PDE4D: variants seen among roughly 807,000 people sequenced by gnomAD.
The protein encoded by PDE4D is phosphodiesterase 4D.
In PDE4D, 24 loss-of-function variants were observed where a neutral mutation model predicts 87.4. The observed-to-expected ratio is 0.27, with a 90% CI of 0.20 to 0.39. PDE4D has a LOEUF of 0.39. PDE4D is among the 10% of genes least tolerant of loss of function. PDE4D has a pLI of 1.00. For synonymous variants in PDE4D, 384 were observed against 383.2 expected (o/e 1.00, Z -0.02); for missense variants, 714 against 1,041.0 (o/e 0.69, Z 4.32).
chr5:60,136,910 A>C (rs1780099332), intron 2 of PDE4D, among the ~76,000 whole-genome samples: 1 of 152,108 alleles, frequency 6.6e-6, no homozygotes, highest in Non-Finnish European at 1.5e-5. Flanking sequence ...CCCATTACCC[A>C]GGTATTAAGC....
At chr5:59,878,461 TTTTA>T (rs200658187) in intron 1 of PDE4D, among the ~76,000 whole-genome samples, 3,181 of 152,260 alleles carry the variant, frequency 0.021, 56 homozygotes, top group Middle Eastern at 0.041. Flanking sequence ...ACTTATGGAT[TTTTA>T]TTTATTTACT....
chr5:59,846,977 C>T (rs1031749346), intron 1 of PDE4D, among the ~76,000 whole-genome samples: 3 of 151,926 alleles, frequency 2.0e-5, no homozygotes, highest in Non-Finnish European at 4.4e-5. Context: ...TCAACCTCTG[C>T]CTTAACTCAT....
At chr5:59,483,231 T>C (rs1001775055) in intron 1 of PDE4D, among the ~76,000 whole-genome samples, 3 of 152,166 alleles carry the variant, frequency 2.0e-5, no homozygotes, top group African/African-American at 7.2e-5. Flanking sequence ...TCTTGGAACT[T>C]CTCAGTCTCT....
intron 1 of PDE4D, among the ~76,000 whole-genome samples, chr5:59,415,963 G>C (rs892556795): frequency 6.6e-5 from 10 of 152,162 alleles, no homozygotes; most frequent in Non-Finnish European, 1.0e-4. Context: ...TGCATGAGAT[G>C]AGTGACGTAG....
intron 2 of PDE4D, among the ~76,000 whole-genome samples, chr5:60,047,868 A>T (rs1386090810): frequency 6.6e-6 from 1 of 152,088 alleles, no homozygotes; most frequent in Non-Finnish European, 1.5e-5. Flanking sequence ...AGTTCTGTAG[A>T]TGTCTATTAG....
At chr5:59,241,671 G>T (rs183330374) in intron 1 of PDE4D, among the ~76,000 whole-genome samples, 88 of 152,208 alleles carry the variant, frequency 5.8e-4, no homozygotes, top group African/African-American at 2.0e-3. Context: ...GACACTCAGG[G>T]GACTAAGTTA....
At chr5:60,169,073 A>C (rs981999360) in intron 2 of PDE4D, among the ~76,000 whole-genome samples, 1 of 152,136 alleles carries the variant, frequency 6.6e-6, no homozygotes, top group Non-Finnish European at 1.5e-5. Flanking sequence ...CTATAAGATA[A>C]CCTACCAGAA....
At position 59,603,057 on chromosome 5, in the gene PDE4D, A is replaced by G. The variant is rs1313825031; in HGVS notation, c.455+290111T>C. ...AACCTATAGTGGATGAAAGACATAAATGTAAGAATAGGGGAAAAGCTATAT... is the reference window on the plus strand; with the variant it reads ...AACCTATAGTGGATGAAAGACATAAGTGTAAGAATAGGGGAAAAGCTATAT... On this transcript the variant is annotated intron_variant, in intron 1 of 14. Coordinates refer to ENST00000340635, the MANE Select transcript of PDE4D (RefSeq NM_001104631.2). Among the ~76,000 whole-genome samples the G allele has an allele frequency of 2.0e-5, 3 of 152,144 alleles. No homozygotes were observed. In the East Asian group the frequency reaches 5.8e-4, roughly 29 times the overall value.
At chr5:59,418,469 A>G (rs903287864) in intron 1 of PDE4D, among the ~76,000 whole-genome samples, 4 of 152,158 alleles carry the variant, frequency 2.6e-5, no homozygotes, top group African/African-American at 9.7e-5. Context: ...GCAAGACCAA[A>G]TGTCATTTTA....
In PDE4D at chr5:59,442,820, G is replaced by A. The variant is rs554338559; in HGVS notation, c.456-226852C>T. Among the ~76,000 whole-genome samples the A allele has an allele frequency of 1.3e-3, 192 of 152,288 alleles. 1 individual carries two copies. Among genetic ancestry groups the A allele is most frequent in the Non-Finnish European group, 2.3e-3 (155 of 68,034 alleles). On this transcript the variant is annotated intron_variant, in intron 1 of 14. Coordinates refer to ENST00000340635, the MANE Select transcript of PDE4D (RefSeq NM_001104631.2). ...TTGTCCACACCCAATTGCCATAGAA[G>A]TTCACAGAGGAAAAGCCCAAGCTAA...
chr5:60,401,766 A>G (rs1741108851), intron 1 of PDE4D, among the ~76,000 whole-genome samples: 1 of 152,194 alleles, frequency 6.6e-6, no homozygotes, highest in Admixed American at 6.5e-5. Context: ...TTAATGTGCT[A>G]CTTATTACAG....
At chr5:59,742,102 C>G (rs570431577) in intron 1 of PDE4D, among the ~76,000 whole-genome samples, 27 of 151,994 alleles carry the variant, frequency 1.8e-4, no homozygotes, top group Admixed American at 8.5e-4. Flanking sequence ...TTGCTCTTGT[C>G]GCCCAGGCTG....
intron 1 of PDE4D, among the ~76,000 whole-genome samples, chr5:59,533,723 G>A (rs1323409255): frequency 6.6e-6 from 1 of 152,168 alleles, no homozygotes; most frequent in Non-Finnish European, 1.5e-5. Context: ...ATTGGAGGCT[G>A]TACCACAGAT....
At chr5:59,466,385 G>A (rs542365958) in intron 1 of PDE4D, among the ~76,000 whole-genome samples, 2 of 152,286 alleles carry the variant, frequency 1.3e-5, no homozygotes, top group South Asian at 4.2e-4. Flanking sequence ...TCTTCACTGG[G>A]TAATTATTTT....
At chr5:59,318,783 C>T (rs1774191909) in intron 1 of PDE4D, among the ~76,000 whole-genome samples, 1 of 152,030 alleles carries the variant, frequency 6.6e-6, no homozygotes, top group Non-Finnish European at 1.5e-5. Flanking sequence ...TAATTAGCAA[C>T]TGTGTGTTAA....
chr5:59,142,079 T>C (rs1192917745), intron 5 of PDE4D, among the ~76,000 whole-genome samples: 3 of 152,114 alleles, frequency 2.0e-5, no homozygotes, highest in African/African-American at 7.2e-5. Flanking sequence ...AATGAATGAA[T>C]GAATGAATAT....
At chr5:60,425,321 G>T (rs1241828293) in intron 1 of PDE4D, among the ~76,000 whole-genome samples, 3 of 152,128 alleles carry the variant, frequency 2.0e-5, no homozygotes, top group Non-Finnish European at 4.4e-5. Flanking sequence ...GCATGGTACT[G>T]GTACCAAAAC....
chr5:59,909,219 C>T (rs1753172153), intron 3 of PDE4D, among the ~76,000 whole-genome samples: 1 of 152,118 alleles, frequency 6.6e-6, no homozygotes, highest in Non-Finnish European at 1.5e-5. Flanking sequence ...CACCATTTCA[C>T]TCCTAGATTA....
At chr5:59,156,422 T>C (rs1199755319) in intron 5 of PDE4D, among the ~76,000 whole-genome samples, 1 of 150,448 alleles carries the variant, frequency 6.6e-6, no homozygotes, top group Admixed American at 6.7e-5. Flanking sequence ...CAAGGAGATG[T>C]AAGTAGAAGC....
Sources: allele counts gnomAD v4.1 joint callset (sites outside exome capture counted in the v4.1 genomes callset), GRCh38; gene constraint gnomAD v4.1.1; transcripts MANE v1.5; gene names NCBI Gene and HGNC (gene_info 2026-07-23, HGNC 2026-07-21).